SAAL1: variants seen among roughly 807,000 people sequenced by gnomAD.
SAAL1 encodes protein SAAL1.
A neutral mutation model predicts 59.8 loss-of-function variants in SAAL1; 42 were observed. The ratio of observed to expected loss-of-function variants is 0.70; its 90% CI spans 0.55 to 0.91. SAAL1 has a LOEUF of 0.91. Among genes scored for constraint, SAAL1 ranks in the 40% least tolerant of loss-of-function variants. The pLI, the probability that SAAL1 is intolerant of heterozygous loss-of-function variation, is 0.00. For synonymous variants in SAAL1, 191 were observed against 194.3 expected (o/e 0.98, Z 0.14); for missense variants, 542 against 561.1 (o/e 0.97, Z 0.34).
chr11:18,089,361 G>GCA lies in SAAL1; in HGVS notation c.737_738dup (p.Pro247CysfsTer78). On this transcript the variant is annotated frameshift_variant, in exon 7 of 12. Transcript: ENST00000524803. LOFTEE classifies it high-confidence loss of function. ...TGTTTGGCAGCTTCAAGTATACAGG[G>GCA]CACAAGCCGAAACACTGGCTGCTCT... The GCA allele has an allele frequency of 6.3e-7, 1 of 1,586,974 alleles. No individual in the cohort carries two copies. The highest frequency in any genetic ancestry group is 8.5e-7 in the Non-Finnish European group (1 of 1,171,712).
At chr11:18,093,152 T>C (rs1180148130) in intron 3 of SAAL1, among the ~76,000 whole-genome samples, 2 of 152,130 alleles carry the variant, frequency 1.3e-5, no homozygotes, top group Non-Finnish European at 2.9e-5. Flanking sequence ...AGATCGACCA[T>C]CGGGATATCT....
intron 9 of SAAL1, among the ~76,000 whole-genome samples, chr11:18,084,779 G>A (rs1590283549): frequency 6.6e-6 from 1 of 152,010 alleles, no homozygotes; most frequent in Non-Finnish European, 1.5e-5. Flanking sequence ...TGTTTTTGGA[G>A]GGGGGGTGCG....
intron 9 of SAAL1, among the ~76,000 whole-genome samples, chr11:18,085,615 A>G (rs1324589786): frequency 6.6e-6 from 1 of 152,240 alleles, no homozygotes; most frequent in South Asian, 2.1e-4. Context: ...AGTGATAAAA[A>G]TAGTTAAAAA....
rs556282797 is a variant in SAAL1, at chr11:18,100,402, A to G, written c.249+2831T>C. Among the ~76,000 whole-genome samples the G allele has an allele frequency of 2.9e-4, 44 of 152,368 alleles. No homozygotes were observed. The South Asian group carries it at 8.7e-3, about 30-fold the overall frequency. Reference sequence around the variant, plus strand: ...ATTCCCAAATATTTGAAACTTACCTATAAACCAAAGAAAAAGTAAAGAATA... The same window carrying G: ...ATTCCCAAATATTTGAAACTTACCTGTAAACCAAAGAAAAAGTAAAGAATA... On this transcript the variant is annotated intron_variant, in intron 2 of 11. Transcript: ENST00000524803.
chr11:18,105,397 C>T (rs1236822289), intron 1 of SAAL1, among the ~76,000 whole-genome samples: 2 of 147,366 alleles, frequency 1.4e-5, no homozygotes, highest in African/African-American at 5.0e-5. Context: ...TGGTCTCAAA[C>T]TCCTGGCTCA....
intron 9 of SAAL1, 26 bp downstream of exon 9, chr11:18,086,840 G>A: frequency 7.0e-7 from 1 of 1,438,608 alleles, no homozygotes; most frequent in Admixed American, 2.3e-5. Context: ...ATGAAAAACA[G>A]TATGAGCCTG....
At chr11:18,103,168 T>C in intron 2 of SAAL1, 65 bp downstream of exon 2, 1 of 1,119,736 alleles carries the variant, frequency 8.9e-7, no homozygotes, top group Non-Finnish European at 1.4e-6. Flanking sequence ...CTGAACCGTT[T>C]TTAAAACATT....
chr11:18,084,678 A>G (rs1039848697), intron 9 of SAAL1, among the ~76,000 whole-genome samples: 1 of 152,218 alleles, frequency 6.6e-6, no homozygotes, highest in Non-Finnish European at 1.5e-5. Context: ...ACAAATGAAG[A>G]TCTTAAAAAT....
intron 3 of SAAL1, among the ~76,000 whole-genome samples, chr11:18,093,179 A>G (rs767503324): frequency 6.6e-6 from 1 of 152,112 alleles, no homozygotes; most frequent in Non-Finnish European, 1.5e-5. Context: ...GCTTGTGTTC[A>G]TGTCACCCTT....
chr11:18,094,455 C>T (rs543012390), intron 3 of SAAL1, among the ~76,000 whole-genome samples: 1 of 152,108 alleles, frequency 6.6e-6, no homozygotes, highest in African/African-American at 2.4e-5. Context: ...CAAGGGACAA[C>T]TGTAGAGCGT....
In SAAL1 at chr11:18,089,422, A is replaced by C; in HGVS notation, c.678T>G (p.Ala226=). Residue 226 remains alanine, a synonymous_variant, in exon 7 of 12, where the codon GCT becomes GCG. Transcript: ENST00000524803. The stretch of plus-strand genomic sequence containing the variant: ...CCTGGGGTTGGTCCAGAGGCTGAGC[A>C]GCCCCATTTCTGACCCATTCTAACA... ...KLMLEWVRNG[A]AQPLDQPQEE... The C allele has an allele frequency of 6.2e-7, 1 of 1,612,566 alleles. No individual in the cohort carries two copies. The highest frequency in any genetic ancestry group is 8.5e-7 in the Non-Finnish European group (1 of 1,179,492).
rs777041137 is a variant in SAAL1, at chr11:18,089,486, T to TC, written c.613dup (p.Glu205GlyfsTer8). On this transcript the variant is annotated frameshift_variant, in exon 7 of 12. Coordinates refer to ENST00000524803, the MANE Select transcript of SAAL1 (RefSeq NM_138421.3). LOFTEE classifies it high-confidence loss of function. ...CAAATCAAAGAGCTTGTCCACAACCTCCCCCACCTTCACCAGCAAGTCAAC... is the reference window on the plus strand; with the variant it reads ...CAAATCAAAGAGCTTGTCCACAACCTCCCCCCACCTTCACCAGCAAGTCAAC... The TC allele has an allele frequency of 1.6e-5, 26 of 1,609,884 alleles. No homozygotes were observed. The highest frequency in any genetic ancestry group is 4.2e-6 in the Non-Finnish European group (5 of 1,178,906).
chr11:18,093,096 T>C (rs1278433964), intron 3 of SAAL1, among the ~76,000 whole-genome samples: 1 of 152,242 alleles, frequency 6.6e-6, no homozygotes, highest in African/African-American at 2.4e-5. Flanking sequence ...ATCCACACTG[T>C]ATGTGCTGCC....
chr11:18,086,828 A>T lies in SAAL1; in HGVS notation c.1042+38T>A, dbSNP rs186042726. On this transcript the variant is annotated intron_variant, in intron 9 of 11. Transcript: ENST00000524803. ...ATTTTTTAAAAGGGAGAAATAAATG[A>T]AATGAAAAACAGTATGAGCCTGGGA... The T allele has an allele frequency of 9.8e-4, 1,293 of 1,320,770 alleles. 19 individuals carry two copies. The South Asian group carries it at 0.023, about 23-fold the overall frequency. The allele number at this position is 1,320,770 out of a possible 1,614,324, so 81.8% of individuals were successfully genotyped here.
chr11:18,085,228 C>T (rs1296054332), intron 9 of SAAL1, among the ~76,000 whole-genome samples: 1 of 152,114 alleles, frequency 6.6e-6, no homozygotes, highest in Non-Finnish European at 1.5e-5. Flanking sequence ...CAGAGATAGA[C>T]AAGTGATAAA....
Position 18,106,049 on chromosome 11 carries a change from T to C in SAAL1, c.-8A>G. On this transcript the variant is annotated 5_prime_UTR_variant, in exon 1 of 12. Coordinates refer to ENST00000524803, the MANE Select transcript of SAAL1 (RefSeq NM_138421.3). The stretch of plus-strand genomic sequence containing the variant: ...CGAGGGGTTGCGGTCCATGACTTTG[T>C]CGCGTCCCGCGCTTGAAGGCCGTGC... 4.4e-6 allele frequency: 7 copies of C among 1,597,854 alleles called. No homozygotes were observed. The highest frequency in any genetic ancestry group is 5.1e-6 in the Non-Finnish European group (6 of 1,177,036).
chr11:18,096,993 T>C (rs1192092939), intron 2 of SAAL1, 139 bp from the exon 3 acceptor site: 2 of 603,126 alleles, frequency 3.3e-6, no homozygotes, highest in Admixed American at 3.3e-5. Flanking sequence ...CCTAGCACAT[T>C]GGGAGGCCAA....
intron 3 of SAAL1, among the ~76,000 whole-genome samples, chr11:18,095,854 GGAAGGAAAAGTAC>G (rs1848569511): frequency 1.3e-5 from 2 of 152,164 alleles, no homozygotes; most frequent in Non-Finnish European, 2.9e-5. Flanking sequence ...GGGAAGGTGT[GGAAGGAAAAGTAC>G]CACTGTGAAT....
At chr11:18,101,039 A>C (rs1313802804) in intron 2 of SAAL1, among the ~76,000 whole-genome samples, 1 of 152,248 alleles carries the variant, frequency 6.6e-6, no homozygotes, top group South Asian at 2.1e-4. Flanking sequence ...TTAGGAATTA[A>C]GGAAGTCCAA....
Sources: gnomAD v4.1 joint callset for allele counts (sites outside exome capture counted in the v4.1 genomes callset) on GRCh38, gnomAD v4.1.1 for gene constraint, MANE v1.5 for transcripts, NCBI Gene and HGNC (gene_info 2026-07-23, HGNC 2026-07-21) for gene names.